Variants in CNTN3 observed in about 807,000 individuals in gnomAD.
The protein encoded by CNTN3 is contactin 3.
In CNTN3, 60 loss-of-function variants were observed where a neutral mutation model predicts 119.1. The observed-to-expected ratio is 0.50, with a 90% CI of 0.41 to 0.62. The LOEUF is 0.62. CNTN3 is among the 20% of genes least tolerant of loss of function. CNTN3 has a pLI of 0.00. For missense variants in CNTN3, 1,101 were observed against 1,242.4 expected (o/e 0.89, Z 1.71); for synonymous variants, 450 against 438.7 (o/e 1.03, Z -0.32).
At chr3:74,295,067 GA>G (rs1575704156) in intron 19 of CNTN3, 53 bp downstream of exon 19, 1 of 1,218,976 alleles carries the variant, frequency 8.2e-7, no homozygotes. Context: ...TAAATTCAAG[GA>G]GACAAAGTGG....
intron 5 of CNTN3, among the ~76,000 whole-genome samples, chr3:74,378,486 T>A (rs532917360): frequency 6.6e-6 from 1 of 152,312 alleles, no homozygotes; most frequent in Admixed American, 6.5e-5. Flanking sequence ...CTTGCGAGGG[T>A]CCTAAGATAA....
chr3:74,371,988 C>T (rs1046333576), intron 5 of CNTN3, among the ~76,000 whole-genome samples: 1 of 152,078 alleles, frequency 6.6e-6, no homozygotes, highest in African/African-American at 2.4e-5. Flanking sequence ...TTTGAGATAA[C>T]CTTCAAATGG....
intron 11 of CNTN3, among the ~76,000 whole-genome samples, chr3:74,341,500 CTG>C (rs1703545508): frequency 1.3e-5 from 2 of 152,132 alleles, no homozygotes; most frequent in Admixed American, 6.6e-5. Context: ...ATTTAAATCA[CTG>C]TGGCATTTTA....
intron 3 of CNTN3, among the ~76,000 whole-genome samples, chr3:74,489,897 G>T (rs1429909085): frequency 6.6e-6 from 1 of 152,142 alleles, no homozygotes; most frequent in Non-Finnish European, 1.5e-5. Flanking sequence ...CCACAGGGAA[G>T]GCATTCAACA....
rs1383896580 is a variant in CNTN3 at position 74,614,438 on chromosome 3, G to GCCGCCGCCGCCGCCGCCGCCGCCGCCA, written c.-155_-129dup. ...CGCCCGCCCCGACGGCCCACTCGCC[G>GCCGCCGCCGCCGCCGCCGCCGCCGCCA]CCGCCGCCGCCGCCGCCGCCGCCGC... On this transcript the variant is annotated 5_prime_UTR_variant, in exon 1 of 23. Transcript: ENST00000263665. Among the ~76,000 whole-genome samples the GCCGCCGCCGCCGCCGCCGCCGCCGCCA allele has an allele frequency of 2.6e-5, 1 of 38,572 alleles. No individual in the cohort carries two copies. Among genetic ancestry groups the GCCGCCGCCGCCGCCGCCGCCGCCGCCA allele is most frequent in the Admixed American group, 1.8e-4 (1 of 5,452 alleles). The allele number at this position is 38,572 out of a possible 152,430, so 25.3% of individuals were successfully genotyped here.
intron 13 of CNTN3, among the ~76,000 whole-genome samples, chr3:74,317,819 G>C (rs1220858456): frequency 6.6e-6 from 1 of 152,074 alleles, no homozygotes; most frequent in Non-Finnish European, 1.5e-5. Flanking sequence ...ATGTGTCTTG[G>C]AGTTGCTCTT....
At chr3:74,308,932 A>G (rs1702621538) in intron 13 of CNTN3, among the ~76,000 whole-genome samples, 1 of 152,156 alleles carries the variant, frequency 6.6e-6, no homozygotes, top group Non-Finnish European at 1.5e-5. Context: ...ATGAGTAGAA[A>G]ATTATATAAA....
chr3:74,453,023 A>G (rs912724953), intron 4 of CNTN3, among the ~76,000 whole-genome samples: 13 of 151,852 alleles, frequency 8.6e-5, no homozygotes, highest in African/African-American at 2.2e-4. Context: ...GGATGATGCT[A>G]GCCTCATAAA....
chr3:74,270,568 T>C (rs1701753492), intron 20 of CNTN3, among the ~76,000 whole-genome samples: 1 of 152,182 alleles, frequency 6.6e-6, no homozygotes, highest in African/African-American at 2.4e-5. Flanking sequence ...ACATAGCTAT[T>C]AACCAGTAGT....
intron 11 of CNTN3, among the ~76,000 whole-genome samples, chr3:74,338,422 A>ATGTGTG (rs1438604503): frequency 4.7e-4 from 72 of 151,982 alleles, no homozygotes; most frequent in African/African-American, 1.7e-3. Context: ...GTGTATACAT[A>ATGTGTG]TATGTGTATA....
chr3:74,432,979 C>A (rs1337525814), intron 4 of CNTN3, among the ~76,000 whole-genome samples: 1 of 152,080 alleles, frequency 6.6e-6, no homozygotes, highest in Non-Finnish European at 1.5e-5. Context: ...TTCTCCCAAG[C>A]CAGAGCCTCC....
At chr3:74,565,314 A>G (rs773758993) in intron 1 of CNTN3, among the ~76,000 whole-genome samples, 2 of 152,186 alleles carry the variant, frequency 1.3e-5, no homozygotes, top group Non-Finnish European at 2.9e-5. Flanking sequence ...GGCTGACCAC[A>G]GTCCTTGCCT....
At chr3:74,552,400 G>A (rs1389056732) in intron 1 of CNTN3, among the ~76,000 whole-genome samples, 3 of 152,074 alleles carry the variant, frequency 2.0e-5, no homozygotes, top group African/African-American at 7.2e-5. Flanking sequence ...TGGCTGTACC[G>A]TTTTACATTG....
chr3:74,337,247 T>TA (rs1448557262), intron 11 of CNTN3, among the ~76,000 whole-genome samples: 1 of 152,078 alleles, frequency 6.6e-6, no homozygotes, highest in African/African-American at 2.4e-5. Context: ...AGTATACACT[T>TA]AGAGTACTCA....
intron 4 of CNTN3, among the ~76,000 whole-genome samples, chr3:74,429,601 C>G (rs1701750562): frequency 6.6e-6 from 1 of 151,968 alleles, no homozygotes; most frequent in South Asian, 2.1e-4. Flanking sequence ...GACTTGACAC[C>G]AATTGAATGG....
At chr3:74,509,673 T>C (rs1703329788) in intron 2 of CNTN3, among the ~76,000 whole-genome samples, 1 of 152,178 alleles carries the variant, frequency 6.6e-6, no homozygotes. Flanking sequence ...GAGGATGAGT[T>C]AAACCGGAAT....
At chr3:74,506,043 C>T (rs907354943) in intron 2 of CNTN3, among the ~76,000 whole-genome samples, 2 of 152,144 alleles carry the variant, frequency 1.3e-5, no homozygotes, top group African/African-American at 4.8e-5. Context: ...GCAGGAATGG[C>T]AGAGCCCTTT....
intron 2 of CNTN3, among the ~76,000 whole-genome samples, 160 bp from the exon 3 acceptor site, chr3:74,499,945 C>A (rs897655849): frequency 2.6e-5 from 4 of 152,002 alleles, no homozygotes; most frequent in Non-Finnish European, 5.9e-5. Context: ...TAAAGGAAAT[C>A]AATTAACCCA....
At chr3:74,322,368 T>C (rs1475768577) in intron 13 of CNTN3, among the ~76,000 whole-genome samples, 3 of 152,134 alleles carry the variant, frequency 2.0e-5, no homozygotes, top group Non-Finnish European at 4.4e-5. Context: ...TCAAAGACTA[T>C]ATGCAGATGG....
Sources: gnomAD v4.1 joint callset for allele counts (sites outside exome capture counted in the v4.1 genomes callset) on GRCh38, gnomAD v4.1.1 for gene constraint, MANE v1.5 for transcripts, NCBI Gene and HGNC (gene_info 2026-07-23, HGNC 2026-07-21) for gene names.